The following ACVR1B variants were observed in gnomAD, a reference collection of about 807,000 sequenced individuals.
The protein encoded by ACVR1B is activin receptor type-1B.
In ACVR1B, 15 loss-of-function variants were observed where a neutral mutation model predicts 55.6. The observed-to-expected ratio is 0.27, with a 90% CI of 0.18 to 0.42. The LOEUF is 0.42. ACVR1B is among the 10% of genes least tolerant of loss of function. The pLI is 1.00. For synonymous variants in ACVR1B, 247 were observed against 254.6 expected, an observed-to-expected ratio of 0.97 and a Z score of 0.28; for missense variants, 359 against 670.1, an observed-to-expected ratio of 0.54 and a Z score of 5.13.
intron 1 of ACVR1B, among the ~76,000 whole-genome samples, chr12:51,973,374 C>A (rs1941784258): frequency 6.6e-6 from 1 of 152,200 alleles, no homozygotes; most frequent in Non-Finnish European, 1.5e-5. Context: ...GAGAGGTATG[C>A]TTTCCATAGA....
At chr12:51,986,772 C>A in intron 6 of ACVR1B, 46 bp from the exon 7 acceptor site, 1 of 1,575,010 alleles carries the variant, frequency 6.3e-7, no homozygotes, top group Non-Finnish European at 8.6e-7. Context: ...TTAAAGAGAG[C>A]AGTCATCATT....
chr12:51,991,480 C>G (rs1477600393), intron 7 of ACVR1B, among the ~76,000 whole-genome samples: 4 of 152,264 alleles, frequency 2.6e-5, no homozygotes. Flanking sequence ...CTGCTCACTG[C>G]AACCTCTGCC....
rs997051385 is a variant in ACVR1B at position 51,982,700 on chromosome 12, C to T, written c.812-1299C>T. The T allele has an allele frequency of 4.9e-5, 75 of 1,531,412 alleles. No homozygotes were observed. The highest frequency in any genetic ancestry group is 6.1e-5 in the Non-Finnish European group (70 of 1,144,978). 94.9% of individuals were successfully genotyped at this position (1,531,412 alleles called of 1,614,324 possible). On this transcript the variant is annotated intron_variant, in intron 4 of 8. Coordinates refer to ENST00000257963, the MANE Select transcript of ACVR1B (RefSeq NM_004302.5). ...TGAAACAACAGCAGACTGCTCATTC[C>T]TCACATTGCCATGGGAAGTTGTAAT...
intron 1 of ACVR1B, among the ~76,000 whole-genome samples, chr12:51,970,554 C>T (rs1941726791): frequency 6.6e-6 from 1 of 152,192 alleles, no homozygotes; most frequent in African/African-American, 2.4e-5. Flanking sequence ...GTCTCTGATC[C>T]TGCAATCACA....
chr12:51,974,306 C>G lies in ACVR1B; in HGVS notation c.92-959C>G, dbSNP rs962485325. 5.3e-5 allele frequency among the ~76,000 whole-genome samples: 8 copies of G among 152,268 alleles called. No individual in the cohort carries two copies. In the East Asian group the frequency reaches 1.4e-3, roughly 26 times the overall value. On this transcript the variant is annotated intron_variant, in intron 1 of 8. Transcript: ENST00000257963. ...CATGGGAGACAGTGTTGGGGAGAAC[C>G]AACTGCTGCTGTCTGTGCTATTCTT...
Position 51,975,495 on chromosome 12 carries a change from G to T in ACVR1B, c.322G>T (p.Val108Leu), listed in dbSNP as rs1164669236. 4.3e-6 allele frequency: 7 copies of T among 1,613,626 alleles called. No individual in the cohort carries two copies. In the Admixed American group the frequency reaches 8.3e-5, roughly 19 times the overall value. The change falls in exon 2 of 9, where the codon GTG becomes TTG. Residue 108 changes from valine to leucine, a missense_variant. Val to Leu is a conservative substitution (Grantham distance 32). This residue lies in a region of ACVR1B where 133 missense variants were observed against 188.2 expected (regional missense o/e 0.71). Coordinates refer to ENST00000257963, the MANE Select transcript of ACVR1B (RefSeq NM_004302.5). ...CTACTGCAACAGGATCGACTTGAGGGTGCCCAGTGGTGAGTGCATGCCCTT... is the reference window on the plus strand; with the variant it reads ...CTACTGCAACAGGATCGACTTGAGGTTGCCCAGTGGTGAGTGCATGCCCTT... ...TDYCNRIDLRVPSGHLKEPEH... is the reference protein window; with the variant it reads ...TDYCNRIDLRLPSGHLKEPEH...
At chr12:51,982,741 C>T (rs1942004231) in intron 4 of ACVR1B, 2 of 1,534,260 alleles carry the variant, frequency 1.3e-6, no homozygotes, top group Non-Finnish European at 1.7e-6. Context: ...CTGCTGCCCC[C>T]AAGCTGAGGA....
intron 1 of ACVR1B, among the ~76,000 whole-genome samples, chr12:51,964,901 T>G (rs1181072934): frequency 6.6e-6 from 1 of 152,176 alleles, no homozygotes; most frequent in East Asian, 1.9e-4. Flanking sequence ...TCCTCCAACT[T>G]TATTTTTTTT....
rs576750874 is a variant in ACVR1B, at chr12:51,996,899, T to G, written c.*2789T>G. 5.9e-5 allele frequency: 9 copies of G among 152,768 alleles called. No homozygotes were observed. The highest frequency in any genetic ancestry group is 1.9e-4 in the African/African-American group (8 of 41,572). 9.5% of individuals were successfully genotyped at this position (152,768 alleles called of 1,614,324 possible). A position where few individuals can be genotyped will look rare whatever the true frequency, so the allele number is the denominator to read the frequency against. ...CCATAAAGGCCCCCGAACGGCATTCTCGGTACTTCTGTTTGTTTTTGTACA... is the reference window on the plus strand; with the variant it reads ...CCATAAAGGCCCCCGAACGGCATTCGCGGTACTTCTGTTTGTTTTTGTACA... On this transcript the variant is annotated 3_prime_UTR_variant, in exon 9 of 9. Coordinates refer to ENST00000257963, the MANE Select transcript of ACVR1B (RefSeq NM_004302.5).
At chr12:51,971,958 T>C (rs1202001041) in intron 1 of ACVR1B, among the ~76,000 whole-genome samples, 1 of 152,228 alleles carries the variant, frequency 6.6e-6, no homozygotes, top group Non-Finnish European at 1.5e-5. Flanking sequence ...GAGCTGAAAC[T>C]TGAACAGCAG....
At chr12:51,978,788 C>T (rs1321900907) in intron 3 of ACVR1B, among the ~76,000 whole-genome samples, 51 of 149,498 alleles carry the variant, frequency 3.4e-4, no homozygotes, top group African/African-American at 8.7e-4. Flanking sequence ...CGAGATCACG[C>T]CACTGCACTC....
At chr12:51,984,927 T>A (rs577944222) in intron 5 of ACVR1B, among the ~76,000 whole-genome samples, 2 of 152,354 alleles carry the variant, frequency 1.3e-5, no homozygotes, top group East Asian at 1.9e-4. Flanking sequence ...AATACAAATA[T>A]TAGCTAAATA....
At chr12:51,977,869 A>T (rs1413923343) in intron 3 of ACVR1B, among the ~76,000 whole-genome samples, 1 of 150,858 alleles carries the variant, frequency 6.6e-6, no homozygotes, top group Non-Finnish European at 1.5e-5. Context: ...TCCATTCTTA[A>T]AAAAGAAAAA....
At chr12:51,953,595 A>T in intron 1 of ACVR1B, 55 of 121,186 alleles carry the variant, frequency 4.5e-4, no homozygotes, top group Non-Finnish European at 6.4e-4. Context: ...ACTGGGTAGT[A>T]AAAAAAAAAA....
At chr12:51,962,204 C>G (rs1218288256) in intron 1 of ACVR1B, among the ~76,000 whole-genome samples, 2 of 152,152 alleles carry the variant, frequency 1.3e-5, no homozygotes, top group Middle Eastern at 3.2e-3. Flanking sequence ...TATGCAAACC[C>G]CATTCCAAGA....
intron 1 of ACVR1B, among the ~76,000 whole-genome samples, chr12:51,955,876 C>G (rs1443139222): frequency 6.6e-6 from 1 of 152,236 alleles, no homozygotes; most frequent in South Asian, 2.1e-4. Context: ...GTCCAACTTA[C>G]ATTTCTCTCA....
intron 1 of ACVR1B, among the ~76,000 whole-genome samples, chr12:51,954,125 A>T (rs1941364740): frequency 6.6e-6 from 1 of 152,184 alleles, no homozygotes. Flanking sequence ...TTTCCTATAT[A>T]GTGCTCCCCT....
rs370046558 is a variant in ACVR1B, at chr12:51,992,252, C to T, written c.1392+259C>T. On this transcript the variant is annotated intron_variant, in intron 8 of 8. Coordinates refer to ENST00000257963, the MANE Select transcript of ACVR1B (RefSeq NM_004302.5). ...TGGTGTGGTGGCATAGGCCTGTAATCGTAGCGCTTTGAGAGGCTGAGGCAG... is the reference window on the plus strand; with the variant it reads ...TGGTGTGGTGGCATAGGCCTGTAATTGTAGCGCTTTGAGAGGCTGAGGCAG... The T allele has an allele frequency of 6.5e-5, 33 of 509,390 alleles. No individual in the cohort carries two copies. The South Asian group carries it at 7.1e-4, about 11-fold the overall frequency. The allele number at this position is 509,390 out of a possible 1,614,324, so 31.6% of individuals were successfully genotyped here. A position where few individuals can be genotyped will look rare whatever the true frequency, so the allele number is the denominator to read the frequency against.
intron 5 of ACVR1B, among the ~76,000 whole-genome samples, chr12:51,984,981 T>G (rs1012217502): frequency 6.6e-6 from 1 of 152,238 alleles, no homozygotes; most frequent in African/African-American, 2.4e-5. Flanking sequence ...TGAATGCATT[T>G]AATCCTCACA....
Sources: gnomAD v4.1 joint callset for allele counts (sites outside exome capture counted in the v4.1 genomes callset) on GRCh38, gnomAD v4.1.1 for gene constraint, gnomAD v4.1.1 regional missense constraint, MANE v1.5 for transcripts, NCBI Gene and HGNC (gene_info 2026-07-23, HGNC 2026-07-21) for gene names.